DIAPH2: variants seen among roughly 807,000 people sequenced by gnomAD.
The protein encoded by DIAPH2 is diaphanous related formin 2, also known as protein diaphanous homolog 2.
DIAPH2 carries 35 observed loss-of-function variants against 92.7 expected under a neutral mutation model. The observed-to-expected ratio is 0.38, with a 90% CI of 0.29 to 0.50. The LOEUF (loss-of-function observed/expected upper bound fraction) is 0.50. Among genes scored for constraint, DIAPH2 ranks in the 20% least tolerant of loss-of-function variants. The pLI, the probability that DIAPH2 is intolerant of heterozygous loss-of-function variation, is 0.94. For missense variants in DIAPH2, 701 were observed against 819.5 expected (o/e 0.86, Z 1.77); for synonymous variants, 301 against 280.4 (o/e 1.07, Z -0.73).
chrX:97,186,651 C>A (rs756245192), intron 22 of DIAPH2, among the ~76,000 whole-genome samples: 1 of 112,080 alleles, frequency 8.9e-6, no homozygotes, highest in African/African-American at 3.2e-5. Flanking sequence ...TTTTCTTTAA[C>A]ACAATTGAGA....
At chrX:96,756,911 C>CTTTTTTTTTT (rs1172916942) in intron 3 of DIAPH2, among the ~76,000 whole-genome samples, 48 of 58,796 alleles carry the variant, frequency 8.2e-4, no homozygotes, top group Non-Finnish European at 1.1e-3. Context: ...ATTTATATAT[C>CTTTTTTTTTT]TTTTTTTTTT....
intron 24 of DIAPH2, among the ~76,000 whole-genome samples, chrX:97,361,137 C>A (rs1323307805): frequency 9.2e-6 from 1 of 108,523 alleles, no homozygotes; most frequent in Non-Finnish European, 1.9e-5. Flanking sequence ...AGCAGTCTTC[C>A]TGCCTCAGCC....
At chrX:96,691,109 C>T (rs1237092226) in intron 1 of DIAPH2, among the ~76,000 whole-genome samples, 3 of 111,792 alleles carry the variant, frequency 2.7e-5, no homozygotes, top group African/African-American at 9.7e-5. Context: ...TTTCAAAGAA[C>T]ACTGTAAATA....
intron 17 of DIAPH2, among the ~76,000 whole-genome samples, chrX:96,999,359 T>C (rs1034081920): frequency 9.2e-6 from 1 of 108,784 alleles, no homozygotes; most frequent in Non-Finnish European, 1.9e-5. Flanking sequence ...AAAATTAGCC[T>C]GGCGTGGTGG....
intron 24 of DIAPH2, among the ~76,000 whole-genome samples, chrX:97,382,293 T>C (rs1297461570): frequency 8.9e-6 from 1 of 112,340 alleles, no homozygotes; most frequent in Non-Finnish European, 1.9e-5. Context: ...TTGTAGTTTA[T>C]ATAATTCAGT....
chrX:96,949,111 A>G (rs920323251), intron 15 of DIAPH2, 72 bp downstream of exon 15: 1 of 680,371 alleles, frequency 1.5e-6, no homozygotes, highest in East Asian at 3.6e-5. Context: ...CTTGTTATAT[A>G]GAAGGAAAAA....
At chrX:97,087,809 A>G (rs1431116289) in intron 19 of DIAPH2, among the ~76,000 whole-genome samples, 1 of 111,385 alleles carries the variant, frequency 9.0e-6, no homozygotes, top group Non-Finnish European at 1.9e-5. Flanking sequence ...CTATTACTTG[A>G]AAGAGTATCC....
intron 26 of DIAPH2, among the ~76,000 whole-genome samples, chrX:97,482,684 T>C (rs976568446): frequency 2.7e-5 from 3 of 110,521 alleles, no homozygotes; most frequent in African/African-American, 9.9e-5. Flanking sequence ...AAGATTTGCA[T>C]TACCAATGAC....
At chrX:97,566,739 T>C (rs915505780) in intron 26 of DIAPH2, among the ~76,000 whole-genome samples, 2 of 111,532 alleles carry the variant, frequency 1.8e-5, no homozygotes, top group African/African-American at 6.5e-5. Flanking sequence ...TAGCGACATA[T>C]ATGTATTGTG....
In DIAPH2 at chrX:97,247,736, G is replaced by A; in HGVS notation, c.2741G>A (p.Ser914Asn). ...TTAGTTTCAGCTCAAATTCTCAAGA[G>A]CAACCTTGCATCAATGGAACAACAA... ...ASKVSAQILK[S>N]NLASMEQQIV... Residue 914 changes from serine (S) to asparagine (N), a missense_variant, in exon 23 of 27, where the codon AGC becomes AAC. Transcript: ENST00000324765. 1 of 1,203,300 alleles carries A rather than the reference G, an allele frequency of 8.3e-7. No homozygotes were observed.
chrX:97,063,401 G>A (rs1453702234), intron 17 of DIAPH2, among the ~76,000 whole-genome samples: 1 of 112,156 alleles, frequency 8.9e-6, no homozygotes, highest in Non-Finnish European at 1.9e-5. Context: ...TATGTCCCAA[G>A]TGAAACATTA....
At chrX:96,944,166 G>C (rs939151606) in intron 13 of DIAPH2, among the ~76,000 whole-genome samples, 12 of 111,711 alleles carry the variant, frequency 1.1e-4, no homozygotes, top group African/African-American at 3.9e-4. Flanking sequence ...AATTCTTTGA[G>C]TCTGATATCT....
intron 1 of DIAPH2, among the ~76,000 whole-genome samples, chrX:96,708,824 A>T (rs2063901801): frequency 9.0e-6 from 1 of 111,686 alleles, no homozygotes; most frequent in African/African-American, 3.3e-5. Flanking sequence ...CCCTAGGGAT[A>T]ATTGTTTCTA....
intron 26 of DIAPH2, among the ~76,000 whole-genome samples, chrX:97,496,957 A>C (rs2070763249): frequency 8.9e-6 from 1 of 112,101 alleles, no homozygotes; most frequent in Non-Finnish European, 1.9e-5. Context: ...AAATAGAAAA[A>C]TACAACTTTG....
chrX:97,574,191 C>T (rs2071387389), intron 26 of DIAPH2, among the ~76,000 whole-genome samples: 1 of 111,795 alleles, frequency 8.9e-6, no homozygotes, highest in Admixed American at 9.5e-5. Context: ...TGACCTATCT[C>T]CAATAGAACT....
chrX:97,588,924 A>G (rs1734683804), intron 26 of DIAPH2, among the ~76,000 whole-genome samples: 2 of 97,097 alleles, frequency 2.1e-5, no homozygotes, highest in Admixed American at 1.2e-4. Context: ...AGAATTTAAC[A>G]TCCTATCTAG....
rs187560816 is a variant in DIAPH2, at chrX:97,183,431, T to A, written c.2719+41637T>A. Among the ~76,000 whole-genome samples, 66 of 111,994 alleles carry A rather than the reference T, an allele frequency of 5.9e-4. 1 individual carries two copies. The highest frequency in any genetic ancestry group is 5.5e-3 in the Admixed American group (58 of 10,513). On this transcript the variant is annotated intron_variant, in intron 22 of 26. Coordinates refer to ENST00000324765, the MANE Select transcript of DIAPH2 (RefSeq NM_006729.5). ...GGTTATATTGCTGATGCTGCAAGAA[T>A]AATTTTAATAAAGTGGAAAGGACAA...
chrX:97,332,798 G>A (rs929054394), intron 23 of DIAPH2, among the ~76,000 whole-genome samples: 3 of 110,981 alleles, frequency 2.7e-5, no homozygotes, highest in African/African-American at 3.3e-5. Context: ...GAGAAACATC[G>A]TCTCAGACAC....
chrX:97,034,241 T>A (rs1360264662), intron 17 of DIAPH2, among the ~76,000 whole-genome samples: 1 of 110,999 alleles, frequency 9.0e-6, no homozygotes, highest in Non-Finnish European at 1.9e-5. Context: ...TTTTAAAAAG[T>A]CAATGAAAAA....
Sources: allele counts gnomAD v4.1 joint callset (sites outside exome capture counted in the v4.1 genomes callset), GRCh38; gene constraint gnomAD v4.1.1; transcripts MANE v1.5; gene names NCBI Gene and HGNC (gene_info 2026-07-23, HGNC 2026-07-21).